Variants in CAMTA1 observed in about 807,000 individuals in gnomAD.
CAMTA1 encodes calmodulin-binding transcription activator 1.
In CAMTA1, 27 loss-of-function variants were observed where a neutral mutation model predicts 170.9. That is an observed-to-expected ratio of 0.16 (90% confidence interval 0.12 to 0.22). CAMTA1 has a LOEUF of 0.22. Ranked by LOEUF, CAMTA1 falls within the 10% of genes least tolerant of loss-of-function variation. The pLI is 1.00. For missense variants in CAMTA1, 1,619 were observed against 2,217.2 expected, an observed-to-expected ratio of 0.73 and a Z score of 5.42; for synonymous variants, 833 against 891.5, an observed-to-expected ratio of 0.93 and a Z score of 1.17.
At chr1:7,427,392 G>A (rs2091919112) in intron 5 of CAMTA1, among the ~76,000 whole-genome samples, 3 of 152,014 alleles carry the variant, frequency 2.0e-5, no homozygotes, top group Admixed American at 2.0e-4. Context: ...GTATTTCTAC[G>A]GCAATGGGTT....
chr1:6,812,633 A>G (rs1450551633), intron 1 of CAMTA1, among the ~76,000 whole-genome samples: 1 of 152,192 alleles, frequency 6.6e-6, no homozygotes, highest in Non-Finnish European at 1.5e-5. Flanking sequence ...TTATTTTCAG[A>G]CTTTGAGTAT....
intron 5 of CAMTA1, among the ~76,000 whole-genome samples, chr1:7,352,835 A>T (rs1489520060): frequency 6.6e-6 from 1 of 152,184 alleles, no homozygotes; most frequent in Non-Finnish European, 1.5e-5. Flanking sequence ...CAAGGCCCGG[A>T]TCTTGAGGGA....
chr1:7,335,759 T>C (rs2083340872), intron 5 of CAMTA1, among the ~76,000 whole-genome samples: 1 of 141,852 alleles, frequency 7.0e-6, no homozygotes, highest in African/African-American at 2.6e-5. Context: ...GTAGATGTGT[T>C]TATAGATAAC....
At chr1:7,701,382 G>T (rs1577003977) in intron 11 of CAMTA1, among the ~76,000 whole-genome samples, 1 of 152,214 alleles carries the variant, frequency 6.6e-6, no homozygotes, top group Admixed American at 6.5e-5. Context: ...CCTCAGCAGG[G>T]TTAGGGCTGA....
chr1:6,805,705 T>C (rs756140851), intron 1 of CAMTA1, among the ~76,000 whole-genome samples: 66 of 152,228 alleles, frequency 4.3e-4, no homozygotes, highest in Non-Finnish European at 7.6e-4. Context: ...GGAGTCTCTA[T>C]ATTATATTAT....
At position 7,472,327 on chromosome 1, in the gene CAMTA1, GGATTCAGAGTCT is replaced by G. The variant is rs1203072628; in HGVS notation, c.510+4429_510+4440del. On this transcript the variant is annotated intron_variant, in intron 6 of 22. Coordinates refer to ENST00000303635, the MANE Select transcript of CAMTA1 (RefSeq NM_015215.4). The stretch of plus-strand genomic sequence containing the variant: ...GGAGTTGAGCTCCTTGGGGGACTCT[GGATTCAGAGTCT>G]GAGGAGCTGGATTCCAGCTCTGCCT... 2.0e-5 allele frequency among the ~76,000 whole-genome samples: 3 copies of G among 152,144 alleles called. No homozygotes were observed. In the East Asian group the frequency reaches 5.8e-4, roughly 29 times the overall value.
At chr1:7,474,721 G>C (rs767571717) in intron 6 of CAMTA1, among the ~76,000 whole-genome samples, 7 of 152,188 alleles carry the variant, frequency 4.6e-5, no homozygotes, top group African/African-American at 1.7e-4. Flanking sequence ...TCTGCAGCCC[G>C]GACAGAGAAG....
chr1:7,089,608 C>T (rs1207302881), intron 3 of CAMTA1, among the ~76,000 whole-genome samples: 1 of 137,692 alleles, frequency 7.3e-6, no homozygotes, highest in African/African-American at 2.6e-5. Context: ...ATCTGTCTAA[C>T]AAACACTTAT....
chr1:6,911,648 G>C (rs987581447), intron 3 of CAMTA1, among the ~76,000 whole-genome samples: 7 of 152,250 alleles, frequency 4.6e-5, no homozygotes, highest in African/African-American at 1.7e-4. Context: ...CCCCCTGTCC[G>C]AGGCCAGATC....
chr1:6,994,551 C>A (rs1473046822), intron 3 of CAMTA1, among the ~76,000 whole-genome samples: 1 of 152,170 alleles, frequency 6.6e-6, no homozygotes, highest in East Asian at 1.9e-4. Flanking sequence ...GTGTTATTCC[C>A]TGCGGAACGT....
At chr1:7,294,199 G>A (rs574341257) in intron 5 of CAMTA1, among the ~76,000 whole-genome samples, 5 of 152,276 alleles carry the variant, frequency 3.3e-5, no homozygotes, top group Admixed American at 2.0e-4. Flanking sequence ...AGGCTCCCTC[G>A]GTGGTTTGTG....
chr1:7,309,750 A>G (rs183710295), intron 5 of CAMTA1, among the ~76,000 whole-genome samples: 4 of 152,036 alleles, frequency 2.6e-5, no homozygotes, highest in African/African-American at 9.6e-5. Flanking sequence ...TCTATGGGTT[A>G]CAATACATTC....
chr1:7,669,212 C>T (rs1356652011), intron 9 of CAMTA1, among the ~76,000 whole-genome samples: 1 of 152,242 alleles, frequency 6.6e-6, no homozygotes, highest in African/African-American at 2.4e-5. Flanking sequence ...GTAAAGTGAC[C>T]TCCCAGGCCA....
At chr1:7,328,212 G>C (rs1185495027) in intron 5 of CAMTA1, among the ~76,000 whole-genome samples, 1 of 152,166 alleles carries the variant, frequency 6.6e-6, no homozygotes, top group Non-Finnish European at 1.5e-5. Context: ...AAAATTCTCA[G>C]ACAGGTCGGG....
intron 3 of CAMTA1, among the ~76,000 whole-genome samples, chr1:7,058,895 A>ATT: frequency 6.6e-6 from 1 of 151,292 alleles, no homozygotes; most frequent in East Asian, 2.0e-4. Context: ...ACACACACAC[A>ATT]CTCTCTCTCT....
chr1:7,239,710 T>C (rs1294361485), intron 4 of CAMTA1, among the ~76,000 whole-genome samples: 2 of 149,922 alleles, frequency 1.3e-5, no homozygotes, highest in Admixed American at 1.3e-4. Flanking sequence ...TTTGTGTTGC[T>C]ATAATGGAAT....
chr1:7,448,320 T>C (rs967249596), intron 5 of CAMTA1, among the ~76,000 whole-genome samples: 3 of 152,262 alleles, frequency 2.0e-5, no homozygotes, highest in South Asian at 2.1e-4. Context: ...GACAGGAAGG[T>C]GTGAAACCTG....
At chr1:7,269,077 A>G (rs2227215) in intron 5 of CAMTA1, among the ~76,000 whole-genome samples, 123,635 of 152,192 alleles carry the variant, frequency 0.81, 50,578 homozygotes, top group Non-Finnish European at 0.85. Flanking sequence ...ACACACATTT[A>G]TGATCTCACA....
intron 6 of CAMTA1, among the ~76,000 whole-genome samples, chr1:7,600,195 TA>T (rs2095429431): frequency 6.6e-6 from 1 of 152,234 alleles, no homozygotes; most frequent in South Asian, 2.1e-4. Context: ...TCTATTGAGA[TA>T]ATCATGTGGT....
Sources: gnomAD v4.1 joint callset for allele counts (sites outside exome capture counted in the v4.1 genomes callset) on GRCh38, gnomAD v4.1.1 for gene constraint, MANE v1.5 for transcripts, NCBI Gene and HGNC (gene_info 2026-07-23, HGNC 2026-07-21) for gene names.